The following C1orf94 variants were observed in gnomAD, a reference collection of about 807,000 sequenced individuals.
C1orf94 encodes uncharacterized protein C1orf94.
Under a neutral mutation model 53.6 loss-of-function variants are expected in C1orf94, and 45 were observed. That is an observed-to-expected ratio of 0.84 (90% CI 0.66 to 1.08). The LOEUF is 1.08. Ranked by LOEUF, C1orf94 falls within the 50% of genes least tolerant of loss-of-function variation. The probability of loss-of-function intolerance (pLI) is 0.00; values close to 1 mark genes in which losing one functional copy is unlikely to be tolerated. For synonymous variants in C1orf94, 304 were observed against 296.1 expected (o/e 1.03, Z -0.27); for missense variants, 762 against 738.9 (o/e 1.03, Z -0.36).
chr1:34,175,157 CTCTA>C (rs1642204401), upstream of C1orf94, among the ~76,000 whole-genome samples: 1 of 151,264 alleles, frequency 6.6e-6, no homozygotes, highest in Non-Finnish European at 1.5e-5. Flanking sequence ...TAAAAACATG[CTCTA>C]TCTTTGTTCC....
rs184125548 is a variant in C1orf94, at chr1:34,209,123, G to T, written c.1524+889G>T. ...CCTGTATTTTTATTTGCTAAATCTG[G>T]CAACACTACTTTCATGGGTAGGTCA... On this transcript the variant is annotated intron_variant, in intron 5 of 6. Transcript: ENST00000488417. 1.1e-3 allele frequency among the ~76,000 whole-genome samples: 161 copies of T among 152,174 alleles called. 1 individual carries two copies. The highest frequency in any genetic ancestry group is 3.6e-3 in the African/African-American group (151 of 41,488).
chr1:34,190,806 G>A (rs1184228026), intron 1 of C1orf94, among the ~76,000 whole-genome samples: 1 of 152,154 alleles, frequency 6.6e-6, no homozygotes, highest in Non-Finnish European at 1.5e-5. Context: ...AAATTGGGGT[G>A]ACTGTACCTA....
In C1orf94 at chr1:34,200,933, G is replaced by T. The variant is rs751789307; in HGVS notation, c.1171G>T (p.Glu391Ter). The T allele has an allele frequency of 1.9e-6, 3 of 1,614,126 alleles. No homozygotes were observed. The highest frequency in any genetic ancestry group is 1.7e-5 in the Admixed American group (1 of 60,022). The change falls in exon 3 of 7, where the codon GAG (glutamate) becomes TAG (stop). Residue 391 changes from glutamate to a stop codon, truncating the protein, a stop_gained. Transcript: ENST00000488417. LOFTEE classifies it high-confidence loss of function. The stretch of plus-strand genomic sequence containing the variant: ...GCCCAAGAAACCTACATGTCCAGCC[G>T]AGAAGAACTTGCTCTATGAGTTCCT... ...LPPKKPTCPA[E>*]KNLLYEFLGA...
At position 34,212,410 on chromosome 1, in the gene C1orf94, A is replaced by G. The variant is rs1438084553; in HGVS notation, c.1721+4A>G. The G allele has an allele frequency of 6.2e-7, 1 of 1,607,302 alleles. No homozygotes were observed. The highest frequency in any genetic ancestry group is 1.7e-5 in the Admixed American group (1 of 58,974). On this transcript the variant is annotated splice_donor_region_variant and intron_variant, in intron 6 of 6. Coordinates refer to ENST00000488417, the MANE Select transcript of C1orf94 (RefSeq NM_001134734.2). Reference sequence around the variant, plus strand: ...ACCTCTTTCCCCAAGGATATGGGTGAGTCAGCCCACACTGGGAGCCTAAGG... The same window carrying G: ...ACCTCTTTCCCCAAGGATATGGGTGGGTCAGCCCACACTGGGAGCCTAAGG...
At chr1:34,217,919 GA>G (rs1263510255) in intron 6 of C1orf94, among the ~76,000 whole-genome samples, 1 of 152,182 alleles carries the variant, frequency 6.6e-6, no homozygotes, top group Non-Finnish European at 1.5e-5. Context: ...CAAAGTATCT[GA>G]GCAGATGGGT....
At chr1:34,186,110 T>C (rs750114688) in intron 1 of C1orf94, among the ~76,000 whole-genome samples, 7 of 152,230 alleles carry the variant, frequency 4.6e-5, no homozygotes, top group Non-Finnish European at 7.3e-5. Context: ...CTCTTTTTAA[T>C]TGAAATAAAC....
upstream of C1orf94, among the ~76,000 whole-genome samples, chr1:34,175,194 T>TA (rs1262125777): frequency 3.8e-4 from 56 of 148,810 alleles, no homozygotes; most frequent in African/African-American, 7.8e-4. Flanking sequence ...TATTTGATTT[T>TA]TTTTTTTTTT....
chr1:34,208,179 C>T lies in C1orf94; in HGVS notation c.1469C>T (p.Ala490Val), dbSNP rs760165855. The change falls in exon 5 of 7, where the codon GCG becomes GTG. Residue 490 changes from alanine to valine, a missense_variant. Transcript: ENST00000488417. ...QYQGLYPQQAARMPYQQALHP... is the reference protein window; with the variant it reads ...QYQGLYPQQAVRMPYQQALHP... The stretch of plus-strand genomic sequence containing the variant: ...CAGGGCCTGTACCCACAGCAGGCAG[C>T]GAGGATGCCCTATCAGCAGGCTTTG... The T allele has an allele frequency of 4.7e-5, 76 of 1,613,970 alleles. No individual in the cohort carries two copies. The highest frequency in any genetic ancestry group is 3.3e-4 in the Middle Eastern group (2 of 6,084).
chr1:34,171,206 C>G (rs1642140860), intron 1 of C1orf94, among the ~76,000 whole-genome samples: 1 of 152,180 alleles, frequency 6.6e-6, no homozygotes, highest in Non-Finnish European at 1.5e-5. Context: ...TCCCTCAGCT[C>G]TAAGCCATTC....
intron 1 of C1orf94, among the ~76,000 whole-genome samples, chr1:34,171,032 TC>T (rs1357839994): frequency 6.6e-6 from 1 of 152,194 alleles, no homozygotes; most frequent in Non-Finnish European, 1.5e-5. Flanking sequence ...CCACCAGCTA[TC>T]TTTTTAAAAC....
chr1:34,215,466 A>G (rs533355124), intron 6 of C1orf94, among the ~76,000 whole-genome samples: 3 of 152,202 alleles, frequency 2.0e-5, no homozygotes, highest in Non-Finnish European at 4.4e-5. Context: ...AGAATGGACT[A>G]TGAGGGTAAG....
At chr1:34,176,112 G>A (rs886264950), upstream of C1orf94, among the ~76,000 whole-genome samples, 1 of 151,952 alleles carries the variant, frequency 6.6e-6, no homozygotes. Context: ...CAACTCATCG[G>A]GCACAGAGGA....
At chr1:34,175,485 T>G (rs1380006111), upstream of C1orf94, among the ~76,000 whole-genome samples, 1 of 152,198 alleles carries the variant, frequency 6.6e-6, no homozygotes, top group Admixed American at 6.5e-5. Flanking sequence ...TTAACTATAA[T>G]TTTATTCAGT....
At chr1:34,202,464 A>ATC (rs1439497860) in intron 4 of C1orf94, among the ~76,000 whole-genome samples, 1 of 152,146 alleles carries the variant, frequency 6.6e-6, no homozygotes, top group African/African-American at 2.4e-5. Context: ...GTCACATCAG[A>ATC]TCTACCCCTT....
At chr1:34,218,658 C>G (rs373114638) in intron 6 of C1orf94, 28 bp from the exon 7 acceptor site, 38 of 1,588,304 alleles carry the variant, frequency 2.4e-5, no homozygotes, top group Non-Finnish European at 3.0e-5. Flanking sequence ...GGAATCTCAT[C>G]ATGGCATCCA....
At chr1:34,212,950 T>C (rs1473763498) in intron 6 of C1orf94, among the ~76,000 whole-genome samples, 3 of 152,212 alleles carry the variant, frequency 2.0e-5, no homozygotes, top group Non-Finnish European at 4.4e-5. Flanking sequence ...CCTGGGACAG[T>C]CTGAAGGCTT....
chr1:34,177,928 T>C lies in C1orf94; in HGVS notation c.139T>C (p.Phe47Leu). ...VAKGPCALGP[F>L]PRYIWIHQDT... Reference sequence around the variant, plus strand: ...CAAGGGCCCCTGCGCCCTGGGCCCATTCCCCAGATACATCTGGATCCACCA... The same window carrying C: ...CAAGGGCCCCTGCGCCCTGGGCCCACTCCCCAGATACATCTGGATCCACCA... The change falls in exon 1 of 7, where the codon TTC (phenylalanine) becomes CTC (leucine). Residue 47 changes from phenylalanine to leucine, a missense_variant. Transcript: ENST00000488417. 6.4e-7 allele frequency: 1 copy of C among 1,551,692 alleles called. No homozygotes were observed. The highest frequency in any genetic ancestry group is 1.2e-5 in the South Asian group (1 of 84,060).
At chr1:34,218,091 C>T (rs778132504) in intron 6 of C1orf94, among the ~76,000 whole-genome samples, 10 of 152,110 alleles carry the variant, frequency 6.6e-5, no homozygotes, top group Non-Finnish European at 4.4e-5. Flanking sequence ...TGCTCTTAGA[C>T]GGTGAGGCTC....
intron 1 of C1orf94, among the ~76,000 whole-genome samples, chr1:34,168,575 G>T (rs1448209039): frequency 6.6e-6 from 1 of 152,184 alleles, no homozygotes; most frequent in Non-Finnish European, 1.5e-5. Context: ...CATAGACCCT[G>T]TGGCTTAAAA....
Sources: gnomAD v4.1 joint callset for allele counts (sites outside exome capture counted in the v4.1 genomes callset) on GRCh38, gnomAD v4.1.1 for gene constraint, MANE v1.5 for transcripts, NCBI Gene and HGNC (gene_info 2026-07-23, HGNC 2026-07-21) for gene names.